Variants in BRIP1 observed in about 807,000 individuals in gnomAD.
BRIP1 encodes Fanconi anemia group J protein.
A neutral mutation model predicts 119.7 loss-of-function variants in BRIP1; 88 were observed. The ratio of observed to expected loss-of-function variants is 0.74; its 90% CI spans 0.62 to 0.88. The LOEUF is 0.88. BRIP1 is among the 40% of genes least tolerant of loss of function. BRIP1 has a pLI of 0.00. For missense variants in BRIP1, 1,259 were observed against 1,455.4 expected, an observed-to-expected ratio of 0.87 and a Z score of 2.20; for synonymous variants, 443 against 496.5, an observed-to-expected ratio of 0.89 and a Z score of 1.43.
rs975640732 is a variant in BRIP1 at position 61,834,242 on chromosome 17, G to C, written c.627+12859C>G. 1.3e-5 allele frequency among the ~76,000 whole-genome samples: 2 copies of C among 151,944 alleles called. No individual in the cohort carries two copies. Among genetic ancestry groups the C allele is most frequent in the Non-Finnish European group, 1.5e-5 (1 of 68,010 alleles). ...AATCCTAATTTTGTGTGTGGGGAGG[G>C]AGTATATATGTAATATATGTGTAAT... On this transcript the variant is annotated intron_variant, in intron 6 of 19. Coordinates refer to ENST00000259008, the MANE Select transcript of BRIP1 (RefSeq NM_032043.3). The surrounding 1 kb of genome is among the most constrained non-coding windows in gnomAD (Gnocchi z 4.4).
intron 14 of BRIP1, among the ~76,000 whole-genome samples, chr17:61,766,424 A>G (rs1237982888): frequency 6.6e-6 from 1 of 152,222 alleles, no homozygotes; most frequent in African/African-American, 2.4e-5. Flanking sequence ...TTAACACTGT[A>G]GAAAAAAATA....
At chr17:61,711,033 CAAAAAAAA>C (rs11308154) in intron 17 of BRIP1, among the ~76,000 whole-genome samples, 1 of 110,656 alleles carries the variant, frequency 9.0e-6, no homozygotes, top group African/African-American at 3.5e-5. Flanking sequence ...GACTCCATCT[CAAAAAAAA>C]AAAAAAAACA....
intron 16 of BRIP1, 81 bp from the exon 17 acceptor site, chr17:61,716,144 G>C: frequency 1.2e-6 from 1 of 852,150 alleles, no homozygotes; most frequent in Non-Finnish European, 1.8e-6. Context: ...CTAACAGTTT[G>C]AATATACATA....
Position 61,770,540 on chromosome 17 carries a change from C to T in BRIP1, c.2097+5861G>A, listed in dbSNP as rs1450904516. On this transcript the variant is annotated intron_variant, in intron 14 of 19. Transcript: ENST00000259008. The surrounding 1 kb of genome is among the most constrained non-coding windows in gnomAD (Gnocchi z 4.7). ...TTTTATCTGATTTGAAAGTCAGTTG[C>T]AAAAGGTAATAATTGTAAATCTGTG... Among the ~76,000 whole-genome samples, 3 of 151,402 alleles carry T rather than the reference C, an allele frequency of 2.0e-5. No individual in the cohort carries two copies. The highest frequency in any genetic ancestry group is 4.4e-5 in the Non-Finnish European group (3 of 67,868).
chr17:61,844,464 G>T lies in BRIP1; in HGVS notation c.627+2637C>A, dbSNP rs1160480663. On this transcript the variant is annotated intron_variant, in intron 6 of 19. Coordinates refer to ENST00000259008, the MANE Select transcript of BRIP1 (RefSeq NM_032043.3). This position sits in a 1 kb window ranked among gnomAD's most constrained non-coding sequence, Gnocchi z 4.7. ...AATTAGCTGGGCATGGTGTTGCACA[G>T]CTGTAGTCCTTGCTATTCAGGAGGC... 6.6e-6 allele frequency among the ~76,000 whole-genome samples: 1 copy of T among 152,132 alleles called. No individual in the cohort carries two copies. The highest frequency in any genetic ancestry group is 1.5e-5 in the Non-Finnish European group (1 of 68,014).
At chr17:61,763,550 A>G (rs1368930920) in intron 14 of BRIP1, among the ~76,000 whole-genome samples, 2 of 152,144 alleles carry the variant, frequency 1.3e-5, no homozygotes, top group Non-Finnish European at 2.9e-5. Context: ...TCTTATTTCT[A>G]AAAACTCCTC....
rs1343832154 is a variant in BRIP1 at position 61,746,362 on chromosome 17, A to G, written c.2098-1771T>C. ...ATAATAATGTCTTTCCCTATCGGTC[A>G]TTACTTTAAATGTAAATGGATTAAA... On this transcript the variant is annotated intron_variant, in intron 14 of 19. Transcript: ENST00000259008. The surrounding 1 kb of genome is among the most constrained non-coding windows in gnomAD (Gnocchi z 4.9). Among the ~76,000 whole-genome samples the G allele has an allele frequency of 1.3e-5, 2 of 152,160 alleles. No homozygotes were observed. Among genetic ancestry groups the G allele is most frequent in the Non-Finnish European group, 2.9e-5 (2 of 67,994 alleles).
intron 16 of BRIP1, among the ~76,000 whole-genome samples, chr17:61,716,292 T>C (rs1366717346): frequency 3.9e-5 from 6 of 152,156 alleles, no homozygotes; most frequent in Non-Finnish European, 5.9e-5. Flanking sequence ...AGCAGTTTTA[T>C]TGAACTTACA....
In BRIP1 at chr17:61,725,991, T is replaced by G. The variant is rs1172552264; in HGVS notation, c.2380-9928A>C. On this transcript the variant is annotated intron_variant, in intron 16 of 19. Coordinates refer to ENST00000259008, the MANE Select transcript of BRIP1 (RefSeq NM_032043.3). This position sits in a 1 kb window ranked among gnomAD's most constrained non-coding sequence, Gnocchi z 5.3. ...TAGGTAGGTTATCCATGTTAAAATATTACTCAAACAAACCTGCAAATGTTT... is the reference window on the plus strand; with the variant it reads ...TAGGTAGGTTATCCATGTTAAAATAGTACTCAAACAAACCTGCAAATGTTT... 6.6e-6 allele frequency among the ~76,000 whole-genome samples: 1 copy of G among 152,182 alleles called. No homozygotes were observed. Among genetic ancestry groups the G allele is most frequent in the Non-Finnish European group, 1.5e-5 (1 of 68,034 alleles).
Position 61,722,913 on chromosome 17 carries a change from A to T in BRIP1, c.2380-6850T>A, listed in dbSNP as rs2062005643. Among the ~76,000 whole-genome samples the T allele has an allele frequency of 6.6e-6, 1 of 152,216 alleles. No homozygotes were observed. The highest frequency in any genetic ancestry group is 2.4e-5 in the African/African-American group (1 of 41,468). On this transcript the variant is annotated intron_variant, in intron 16 of 19. Coordinates refer to ENST00000259008, the MANE Select transcript of BRIP1 (RefSeq NM_032043.3). The surrounding 1 kb of genome is among the most constrained non-coding windows in gnomAD (Gnocchi z 4.6). ...TTACCCAGGGGAATTTATTTTAGAT[A>T]AAAAGTTTAAAAACCTACAAAAGAA...
chr17:61,824,197 C>A lies in BRIP1; in HGVS notation c.628-15440G>T, dbSNP rs1166224036. On this transcript the variant is annotated intron_variant, in intron 6 of 19. Transcript: ENST00000259008. This position sits in a 1 kb window ranked among gnomAD's most constrained non-coding sequence, Gnocchi z 4.3. ...CCAAGGGCAGAATATCTTTTAAGTG[C>A]TGAAAGAAAGAAAATGTGAACCTAA... 6.6e-6 allele frequency among the ~76,000 whole-genome samples: 1 copy of A among 152,152 alleles called. No individual in the cohort carries two copies. The highest frequency in any genetic ancestry group is 1.5e-5 in the Non-Finnish European group (1 of 68,030).
rs1045315772 is a variant in BRIP1, at chr17:61,802,395, G to A, written c.919-921C>T. Among the ~76,000 whole-genome samples, 7 of 152,134 alleles carry A rather than the reference G, an allele frequency of 4.6e-5. No individual in the cohort carries two copies. The highest frequency in any genetic ancestry group is 2.9e-5 in the Non-Finnish European group (2 of 68,034). On this transcript the variant is annotated intron_variant, in intron 7 of 19. Coordinates refer to ENST00000259008, the MANE Select transcript of BRIP1 (RefSeq NM_032043.3). This position sits in a 1 kb window ranked among gnomAD's most constrained non-coding sequence, Gnocchi z 6.0. ...GGATCACTTCAGCCCAGGAGTTCGA[G>A]GATGCAGTGAGCCATGATCAAGCCA...
At position 61,840,355 on chromosome 17, in the gene BRIP1, C is replaced by CAAACAA. The variant is rs1196611392; in HGVS notation, c.627+6745_627+6746insTTGTTT. ...CTGGGTGACAGGGGAGACTCCGTCTCAAAAAAAAAAAAAAAAAAAAGAAAA... is the reference window on the plus strand; with the variant it reads ...CTGGGTGACAGGGGAGACTCCGTCTCAAACAAAAAAAAAAAAAAAAAAAAAAGAAAA... On this transcript the variant is annotated intron_variant, in intron 6 of 19. Transcript: ENST00000259008. 4.5e-4 allele frequency among the ~76,000 whole-genome samples: 47 copies of CAAACAA among 105,064 alleles called. 1 individual carries two copies. The East Asian group carries it at 0.014, about 31-fold the overall frequency. The allele number at this position is 105,064 out of a possible 152,430, so 68.9% of individuals were successfully genotyped here.
rs2077782714 is a variant in BRIP1 at position 61,789,454 on chromosome 17, A to G, written c.1473+4143T>C. Reference sequence around the variant, plus strand: ...TTCACAACATAAACAAAATGAATCCAAGGCTTTGTAAAAGTATTTATAAAT... The same window carrying G: ...TTCACAACATAAACAAAATGAATCCGAGGCTTTGTAAAAGTATTTATAAAT... On this transcript the variant is annotated intron_variant, in intron 10 of 19. Transcript: ENST00000259008. This position sits in a 1 kb window ranked among gnomAD's most constrained non-coding sequence, Gnocchi z 4.8. Among the ~76,000 whole-genome samples the G allele has an allele frequency of 6.6e-6, 1 of 152,186 alleles. No individual in the cohort carries two copies. Among genetic ancestry groups the G allele is most frequent in the Non-Finnish European group, 1.5e-5 (1 of 68,030 alleles).
At position 61,780,899 on chromosome 17, in the gene BRIP1, G is replaced by T. The variant is rs28997571; in HGVS notation, c.1735C>A (p.Arg579Ser). 6.2e-7 allele frequency: 1 copy of T among 1,614,102 alleles called. No individual in the cohort carries two copies. Among genetic ancestry groups the T allele is most frequent in the Admixed American group, 1.7e-5 (1 of 60,018 alleles). ...GLLVLPKNKK[R>S]SRQKTAVHVL... ...TGAACTGCAGTTTTCTGTCGTGAAC[G>T]TTTCTTATTTTTTGGTAGAACCAAC... Residue 579 changes from arginine to serine, a missense_variant, in exon 12 of 20, where the codon CGT (arginine) becomes AGT (serine). Transcript: ENST00000259008. This position sits in a 1 kb window ranked among gnomAD's most constrained non-coding sequence, Gnocchi z 5.4.
rs550677013 is a variant in BRIP1 at position 61,724,347 on chromosome 17, G to C, written c.2380-8284C>G. Among the ~76,000 whole-genome samples the C allele has an allele frequency of 8.5e-5, 13 of 152,094 alleles. No individual in the cohort carries two copies. The highest frequency in any genetic ancestry group is 1.5e-4 in the Non-Finnish European group (10 of 67,984). On this transcript the variant is annotated intron_variant, in intron 16 of 19. Transcript: ENST00000259008. The surrounding 1 kb of genome is among the most constrained non-coding windows in gnomAD (Gnocchi z 5.1). ...AGTTCTCCATGCCTTGGTTTTATTGGAAACAGTATAAGTAGCAGAGCACTT... is the reference window on the plus strand; with the variant it reads ...AGTTCTCCATGCCTTGGTTTTATTGCAAACAGTATAAGTAGCAGAGCACTT...
At position 61,738,787 on chromosome 17, in the gene BRIP1, C is replaced by T. The variant is rs1457982529; in HGVS notation, c.2379+4226G>A. On this transcript the variant is annotated intron_variant, in intron 16 of 19. Coordinates refer to ENST00000259008, the MANE Select transcript of BRIP1 (RefSeq NM_032043.3). This position sits in a 1 kb window ranked among gnomAD's most constrained non-coding sequence, Gnocchi z 4.2. ...ATAACATAATAAATACCTGCATTCT[C>T]ATATTTTCTTGCAGCTTATTTTCCT... Among the ~76,000 whole-genome samples the T allele has an allele frequency of 6.6e-6, 1 of 152,132 alleles. No individual in the cohort carries two copies. The highest frequency in any genetic ancestry group is 1.5e-5 in the Non-Finnish European group (1 of 68,016).
At position 61,740,612 on chromosome 17, in the gene BRIP1, C is replaced by A. The variant is rs544559731; in HGVS notation, c.2379+2401G>T. On this transcript the variant is annotated intron_variant, in intron 16 of 19. Coordinates refer to ENST00000259008, the MANE Select transcript of BRIP1 (RefSeq NM_032043.3). The surrounding 1 kb of genome is among the most constrained non-coding windows in gnomAD (Gnocchi z 5.4). ...ATTGCAAGTTTGGTTCCAGACCACC[C>A]CAATAAGGAGAATATCATAACAAAG... Among the ~76,000 whole-genome samples, 1 of 152,034 alleles carries A rather than the reference C, an allele frequency of 6.6e-6. No homozygotes were observed. The highest frequency in any genetic ancestry group is 1.5e-5 in the Non-Finnish European group (1 of 68,018).
At chr17:61,800,599 T>C (rs1437531342) in intron 8 of BRIP1, among the ~76,000 whole-genome samples, 3 of 152,112 alleles carry the variant, frequency 2.0e-5, no homozygotes, top group African/African-American at 7.2e-5. Context: ...AAGGATGTAA[T>C]AAAAGCAATA....
Sources: allele counts gnomAD v4.1 joint callset (sites outside exome capture counted in the v4.1 genomes callset), GRCh38; gene constraint gnomAD v4.1.1; non-coding constraint Gnocchi (gnomAD v3.1); transcripts MANE v1.5; gene names NCBI Gene and HGNC (gene_info 2026-07-23, HGNC 2026-07-21).